CNOT2: variants seen among roughly 807,000 people sequenced by gnomAD.
The protein encoded by CNOT2 is CC chemokine receptor 4-negative regulator of transcription 2.
In CNOT2, 7 loss-of-function variants were observed where a neutral mutation model predicts 72.1. That is an observed-to-expected ratio of 0.10 (90% confidence interval 0.06 to 0.18). The LOEUF is 0.18. Ranked by LOEUF, CNOT2 falls within the 10% of genes least tolerant of loss-of-function variation. The pLI is 1.00. For missense variants in CNOT2, 345 were observed against 660.3 expected (o/e 0.52, Z 5.23); for synonymous variants, 196 against 225.6 (o/e 0.87, Z 1.17).
chr12:70,263,318 T>C (rs1958866690), intron 1 of CNOT2, among the ~76,000 whole-genome samples: 1 of 152,168 alleles, frequency 6.6e-6, no homozygotes, highest in African/African-American at 2.4e-5. Flanking sequence ...TTCTTCTTAC[T>C]CCCATTACAC....
At chr12:70,341,286 C>T (rs1881476808) in intron 11 of CNOT2, among the ~76,000 whole-genome samples, 1 of 152,186 alleles carries the variant, frequency 6.6e-6, no homozygotes, top group Admixed American at 6.5e-5. Context: ...TGTATTCCAG[C>T]TTCACTGGCC....
rs771321443 is a variant in CNOT2, at chr12:70,310,888, T to C, written c.49-7T>C. ...TTACCCCTGATAAAAGTAATATTTT[T>C]GTTTAGGTGACAAACAGCATGTTTG... On this transcript the variant is annotated splice_polypyrimidine_tract_variant and splice_region_variant and intron_variant, in intron 2 of 15. Coordinates refer to ENST00000229195, the MANE Select transcript of CNOT2 (RefSeq NM_014515.7). The C allele has an allele frequency of 3.7e-6, 6 of 1,610,428 alleles. No homozygotes were observed. The highest frequency in any genetic ancestry group is 2.2e-5 in the South Asian group (2 of 90,614).
intron 15 of CNOT2, among the ~76,000 whole-genome samples, chr12:70,351,666 A>G (rs955434204): frequency 2.8e-4 from 42 of 152,232 alleles, no homozygotes; most frequent in Admixed American, 7.2e-4. Flanking sequence ...CTTACTCAGT[A>G]TAACTTACCA....
intron 4 of CNOT2, chr12:70,322,069 G>A (rs1878386392): frequency 6.6e-6 from 1 of 151,724 alleles, no homozygotes; most frequent in Admixed American, 6.6e-5. Flanking sequence ...TTTCCTATTT[G>A]TTATATTTGA....
intron 2 of CNOT2, among the ~76,000 whole-genome samples, chr12:70,289,446 T>TA (rs1038778963): frequency 2.0e-5 from 3 of 152,088 alleles, no homozygotes; most frequent in Non-Finnish European, 2.9e-5. Flanking sequence ...TTATGAGTCT[T>TA]ACACGTGGGA....
intron 15 of CNOT2, among the ~76,000 whole-genome samples, chr12:70,352,094 A>T (rs545466871): frequency 2.5e-4 from 38 of 152,026 alleles, no homozygotes; most frequent in African/African-American, 8.7e-4. Flanking sequence ...TTCTTTCAGC[A>T]TTTCTGGATT....
At chr12:70,274,655 G>C (rs1211841610) in intron 1 of CNOT2, among the ~76,000 whole-genome samples, 2 of 152,028 alleles carry the variant, frequency 1.3e-5, no homozygotes, top group African/African-American at 2.4e-5. Context: ...AGTTAAAAAA[G>C]ATTCATCTAA....
At chr12:70,319,183 GA>G in intron 3 of CNOT2, 114 bp from the exon 4 acceptor site, 1 of 785,290 alleles carries the variant, frequency 1.3e-6, no homozygotes, top group Non-Finnish European at 2.0e-6. Context: ...TTTTTCTGAA[GA>G]ATGAGAAAAT....
At chr12:70,253,909 C>A (rs569639369) in intron 1 of CNOT2, among the ~76,000 whole-genome samples, 1 of 152,134 alleles carries the variant, frequency 6.6e-6, no homozygotes, top group East Asian at 1.9e-4. Flanking sequence ...GTTTAACTTG[C>A]ACATTAGGTA....
chr12:70,295,767 AC>A (rs1343838445), intron 2 of CNOT2, among the ~76,000 whole-genome samples: 1 of 152,118 alleles, frequency 6.6e-6, no homozygotes. Context: ...ATGGATTAGC[AC>A]TTTTTGAATA....
At chr12:70,317,108 A>G (rs899719501) in intron 3 of CNOT2, among the ~76,000 whole-genome samples, 1 of 152,122 alleles carries the variant, frequency 6.6e-6, no homozygotes, top group Non-Finnish European at 1.5e-5. Flanking sequence ...TAAGAATTTT[A>G]TATAAATCTT....
In CNOT2 at chr12:70,276,877, T is replaced by C. The variant is rs138108691; in HGVS notation, c.-95-1255T>C. On this transcript the variant is annotated intron_variant, in intron 1 of 15. Coordinates refer to ENST00000229195, the MANE Select transcript of CNOT2 (RefSeq NM_014515.7). Reference sequence around the variant, plus strand: ...AATACAACTCCCACTACCTTTGTGATGAAACATAAAAGAGGAGCCAGAAGA... The same window carrying C: ...AATACAACTCCCACTACCTTTGTGACGAAACATAAAAGAGGAGCCAGAAGA... Among the ~76,000 whole-genome samples the C allele has an allele frequency of 4.8e-3, 728 of 152,166 alleles. 6 individuals are homozygous for C. The highest frequency in any genetic ancestry group is 0.016 in the African/African-American group (653 of 41,562).
chr12:70,245,637 A>C (rs1957843433), intron 1 of CNOT2, among the ~76,000 whole-genome samples: 1 of 152,176 alleles, frequency 6.6e-6, no homozygotes, highest in African/African-American at 2.4e-5. Context: ...TGGAAAAATG[A>C]GGGCAAAATG....
chr12:70,306,192 G>A (rs1389817365), intron 2 of CNOT2, among the ~76,000 whole-genome samples: 3 of 152,028 alleles, frequency 2.0e-5, no homozygotes, highest in East Asian at 1.9e-4. Flanking sequence ...TCGTGGTGTC[G>A]GCCAGGCTAG....
At chr12:70,342,939 A>G (rs1881698100) in intron 13 of CNOT2, among the ~76,000 whole-genome samples, 1 of 152,132 alleles carries the variant, frequency 6.6e-6, no homozygotes, top group South Asian at 2.1e-4. Flanking sequence ...ATAAATATCT[A>G]TGTGTATGTG....
intron 2 of CNOT2, among the ~76,000 whole-genome samples, chr12:70,303,938 C>T (rs539443223): frequency 4.6e-5 from 7 of 152,250 alleles, no homozygotes; most frequent in East Asian, 1.9e-4. Flanking sequence ...CTAAACTTCT[C>T]GCTGCATTTC....
At chr12:70,308,219 T>C (rs1875781923) in intron 2 of CNOT2, among the ~76,000 whole-genome samples, 1 of 152,194 alleles carries the variant, frequency 6.6e-6, no homozygotes, top group African/African-American at 2.4e-5. Context: ...CTTCCTACCC[T>C]GTTCCATCAT....
chr12:70,333,378 C>CT (rs1880234062), intron 7 of CNOT2, among the ~76,000 whole-genome samples: 1 of 151,888 alleles, frequency 6.6e-6, no homozygotes, highest in African/African-American at 2.4e-5. Context: ...AAAACCAACT[C>CT]TGATTTTGAC....
intron 15 of CNOT2, among the ~76,000 whole-genome samples, chr12:70,346,948 T>TAAA (rs1882247898): frequency 7.2e-6 from 1 of 138,964 alleles, no homozygotes; most frequent in South Asian, 2.2e-4. Context: ...ATACCTGCAT[T>TAAA]TAGTACGTTG....
Sources: gnomAD v4.1 joint callset for allele counts (sites outside exome capture counted in the v4.1 genomes callset) on GRCh38, gnomAD v4.1.1 for gene constraint, MANE v1.5 for transcripts, NCBI Gene and HGNC (gene_info 2026-07-23, HGNC 2026-07-21) for gene names.